RUFY2: variants seen among roughly 807,000 people sequenced by gnomAD.
RUFY2 encodes the protein RUN and FYVE domain containing 2.
A neutral mutation model predicts 94.4 loss-of-function variants in RUFY2; 49 were observed. That is an observed-to-expected ratio of 0.52 (90% CI 0.41 to 0.66). The LOEUF (loss-of-function observed/expected upper bound fraction) is 0.66. Among genes scored for constraint, RUFY2 ranks in the 30% least tolerant of loss-of-function variants. The pLI, the probability that RUFY2 is intolerant of heterozygous loss-of-function variation, is 0.00. For missense variants in RUFY2, 541 were observed against 692.8 expected (o/e 0.78, Z 2.46); for synonymous variants, 255 against 235.7 (o/e 1.08, Z -0.75).
chr10:68,354,142 A>G (rs1327809137), intron 16 of RUFY2, among the ~76,000 whole-genome samples: 1 of 152,068 alleles, frequency 6.6e-6, no homozygotes, highest in Non-Finnish European at 1.5e-5. Flanking sequence ...TATTATTAAT[A>G]ATATTATTTG....
chr10:68,355,710 C>T (rs538698663), intron 15 of RUFY2: 116 of 191,024 alleles, frequency 6.1e-4, no homozygotes, highest in Non-Finnish European at 9.2e-4. Flanking sequence ...GTCAGGAGAT[C>T]GAGACCATCC....
intron 12 of RUFY2, chr10:68,377,661 G>C: frequency 1.0e-6 from 1 of 985,212 alleles, no homozygotes; most frequent in African/African-American, 1.7e-5. Flanking sequence ...CATCTTTCCT[G>C]TTTTTATTTG....
rs2049042942 is a variant in RUFY2, at chr10:68,381,328, C to A, written c.1011G>T (p.Glu337Asp). 1 of 1,613,996 alleles carries A rather than the reference C, an allele frequency of 6.2e-7. No individual in the cohort carries two copies. Among genetic ancestry groups the A allele is most frequent in the Non-Finnish European group, 8.5e-7 (1 of 1,179,942 alleles). Residue 337 changes from glutamate (E) to aspartate (D), a missense_variant, in exon 11 of 18, where the codon GAG (glutamate) becomes GAT (aspartate). This residue lies in a region of RUFY2 where 403 missense variants were observed against 480.7 expected (regional missense o/e 0.84). Coordinates refer to ENST00000602465, the MANE Select transcript of RUFY2 (RefSeq NM_001330103.2). ...TATCTTGTTTCTCATGGATATCTTTCTCCAGCAACTTCATGGCAAGTTCAA... is the reference window on the plus strand; with the variant it reads ...TATCTTGTTTCTCATGGATATCTTTATCCAGCAACTTCATGGCAAGTTCAA... ...HEIELAMKLL[E>D]KDIHEKQDTL... is the part of the protein sequence containing the mutation.
At position 68,345,113 on chromosome 10, in the gene RUFY2, T is replaced by G. The variant is rs1421806627; in HGVS notation, c.*655A>C. 2 of 152,346 alleles carry G rather than the reference T, an allele frequency of 1.3e-5. No individual in the cohort carries two copies. The highest frequency in any genetic ancestry group is 4.8e-5 in the African/African-American group (2 of 41,412). 9.4% of individuals were successfully genotyped at this position (152,346 alleles called of 1,614,324 possible). On this transcript the variant is annotated 3_prime_UTR_variant, in exon 18 of 18. Transcript: ENST00000602465. Reference sequence around the variant, plus strand: ...GTTATATGTAACTTCCTTTCAAGATTAAAAGGAAAAAAGTAGAGGCCGAGG... The same window carrying G: ...GTTATATGTAACTTCCTTTCAAGATGAAAAGGAAAAAAGTAGAGGCCGAGG...
rs1282302444 is a variant in RUFY2 at position 68,407,189 on chromosome 10, T to TGGC, written c.-3_-1dup. On this transcript the variant is annotated 5_prime_UTR_variant, in exon 1 of 18. Transcript: ENST00000602465. ...GGTTTCGGCCCGCTCGCCTTACCCA[T>TGGC]GGCGGCGGCGGCTGCGCGGTCTCGG... is the stretch of plus-strand genomic sequence containing the variant. 23 of 1,411,562 alleles carry TGGC rather than the reference T, an allele frequency of 1.6e-5. No individual in the cohort carries two copies. Among genetic ancestry groups the TGGC allele is most frequent in the Middle Eastern group, 2.2e-4 (1 of 4,608 alleles). 87.4% of individuals were successfully genotyped at this position (1,411,562 alleles called of 1,614,324 possible).
intron 8 of RUFY2, among the ~76,000 whole-genome samples, chr10:68,384,954 C>T (rs975464901): frequency 7.9e-5 from 12 of 152,052 alleles, no homozygotes; most frequent in African/African-American, 9.7e-5. Context: ...ATCATGTGTT[C>T]GTTGGTTTGG....
At chr10:68,367,471 A>T (rs1401336728) in intron 13 of RUFY2, among the ~76,000 whole-genome samples, 1 of 152,070 alleles carries the variant, frequency 6.6e-6, no homozygotes, top group Non-Finnish European at 1.5e-5. Context: ...CTGTTTTTAG[A>T]GACAGGAACT....
At chr10:68,352,993 G>A (rs1270401780) in intron 16 of RUFY2, among the ~76,000 whole-genome samples, 3 of 151,572 alleles carry the variant, frequency 2.0e-5, no homozygotes, top group African/African-American at 7.3e-5. Context: ...TATAATCACA[G>A]TACCTGGCTC....
chr10:68,370,285 C>CA (rs1031251160), intron 13 of RUFY2, among the ~76,000 whole-genome samples: 3 of 151,324 alleles, frequency 2.0e-5, no homozygotes, highest in African/African-American at 7.3e-5. Context: ...AACTCTGTCT[C>CA]AAAAAAACAG....
At chr10:68,349,175 T>G (rs1221720445) in intron 16 of RUFY2, among the ~76,000 whole-genome samples, 1 of 152,170 alleles carries the variant, frequency 6.6e-6, no homozygotes, top group African/African-American at 2.4e-5. Flanking sequence ...TATTTGTGCC[T>G]TTTATTGAAA....
At chr10:68,399,875 G>A (rs1467112035) in intron 3 of RUFY2, among the ~76,000 whole-genome samples, 3 of 151,870 alleles carry the variant, frequency 2.0e-5, no homozygotes, top group African/African-American at 4.8e-5. Flanking sequence ...TCTGCCTCCC[G>A]GGTTCAAGCA....
intron 3 of RUFY2, 106 bp downstream of exon 3, chr10:68,401,514 G>A (rs1347491484): frequency 1.5e-6 from 1 of 666,262 alleles, no homozygotes; most frequent in African/African-American, 1.8e-5. Context: ...TTAGAAGAAG[G>A]GGACTTAAGA....
At chr10:68,378,072 G>A (rs906866558) in intron 12 of RUFY2, 1 of 985,422 alleles carries the variant, frequency 1.0e-6, no homozygotes, top group African/African-American at 1.7e-5. Context: ...TGCTATCACA[G>A]AAGAGGGCAA....
At chr10:68,372,231 A>T (rs2048328807) in intron 13 of RUFY2, among the ~76,000 whole-genome samples, 1 of 152,152 alleles carries the variant, frequency 6.6e-6, no homozygotes, top group African/African-American at 2.4e-5. Context: ...CAACATAGCA[A>T]GATCCTGTCC....
At chr10:68,397,359 C>T (rs2050465209) in intron 3 of RUFY2, among the ~76,000 whole-genome samples, 1 of 152,048 alleles carries the variant, frequency 6.6e-6, no homozygotes, top group Non-Finnish European at 1.5e-5. Context: ...AGTCAAAATA[C>T]AGTATTATAA....
At chr10:68,405,758 T>G in intron 1 of RUFY2, 1 of 959,692 alleles carries the variant, frequency 1.0e-6, no homozygotes, top group Non-Finnish European at 1.2e-6. Context: ...CTGTATTGCA[T>G]GACTGTTTTA....
intron 13 of RUFY2, among the ~76,000 whole-genome samples, chr10:68,368,478 G>A (rs531421517): frequency 6.4e-4 from 97 of 151,852 alleles, no homozygotes; most frequent in Admixed American, 1.1e-3. Flanking sequence ...TGACCAACAT[G>A]GAGAAACCCT....
In RUFY2 at chr10:68,377,278, A is replaced by G. The variant is rs184330658; in HGVS notation, c.1206-306T>C. 227 of 1,166,336 alleles carry G rather than the reference A, an allele frequency of 1.9e-4. 2 individuals carry two copies. The highest frequency in any genetic ancestry group is 9.1e-5 in the Non-Finnish European group (86 of 943,200). 72.2% of individuals were successfully genotyped at this position (1,166,336 alleles called of 1,614,324 possible). A position where few individuals can be genotyped will look rare whatever the true frequency, so the allele number is the denominator to read the frequency against. On this transcript the variant is annotated intron_variant, in intron 12 of 17. Coordinates refer to ENST00000602465, the MANE Select transcript of RUFY2 (RefSeq NM_001330103.2). ...TTTACCACTTATGCAGAGCATAACG[A>G]ATCAAATTTCAAAGCATAATAGGTA...
rs375688932 is a variant in RUFY2 at position 68,345,974 on chromosome 10, C to T, written c.1677+33G>A. ...AAATAAAATTAGCATTTTTGCACTC[C>T]AAATTTTTGGACTCACTTCTTATCT... is the stretch of plus-strand genomic sequence containing the variant. On this transcript the variant is annotated intron_variant, in intron 17 of 17. Coordinates refer to ENST00000602465, the MANE Select transcript of RUFY2 (RefSeq NM_001330103.2). 1.9e-6 allele frequency: 3 copies of T among 1,611,404 alleles called. No homozygotes were observed. The African/African-American group carries it at 4.0e-5, about 22-fold the overall frequency.
Sources: allele counts gnomAD v4.1 joint callset (sites outside exome capture counted in the v4.1 genomes callset), GRCh38; gene constraint gnomAD v4.1.1; regional missense constraint gnomAD v4.1.1; transcripts MANE v1.5; gene names NCBI Gene and HGNC (gene_info 2026-07-23, HGNC 2026-07-21).